ANGPT1: variants seen among roughly 807,000 people sequenced by gnomAD.
ANGPT1 encodes the protein angiopoietin-1.
A neutral mutation model predicts 62.2 loss-of-function variants in ANGPT1; 17 were observed. The ratio of observed to expected loss-of-function variants is 0.27; its 90% CI spans 0.19 to 0.41. The LOEUF is 0.41. Ranked by LOEUF, ANGPT1 falls within the 10% of genes least tolerant of loss-of-function variation. The pLI is 1.00. For missense variants in ANGPT1, 478 were observed against 594.9 expected, an observed-to-expected ratio of 0.80 and a Z score of 2.04; for synonymous variants, 199 against 198.9, an observed-to-expected ratio of 1.00 and a Z score of 0.00.
chr8:107,296,103 G>T (rs1275116600), intron 5 of ANGPT1, among the ~76,000 whole-genome samples: 1 of 152,030 alleles, frequency 6.6e-6, no homozygotes, highest in South Asian at 2.1e-4. Flanking sequence ...GGAATAATCT[G>T]CTTAAAAGCA....
intron 1 of ANGPT1, among the ~76,000 whole-genome samples, chr8:107,416,428 C>G (rs866054089): frequency 6.6e-6 from 1 of 152,186 alleles, no homozygotes; most frequent in African/African-American, 2.4e-5. Flanking sequence ...GGAAGGGTCC[C>G]AAGTGCAGGA....
At chr8:107,341,260 C>A (rs1815690171) in intron 2 of ANGPT1, among the ~76,000 whole-genome samples, 1 of 152,154 alleles carries the variant, frequency 6.6e-6, no homozygotes, top group South Asian at 2.1e-4. Context: ...TTAGACTCAA[C>A]TTCCAGTTTA....
intron 1 of ANGPT1, among the ~76,000 whole-genome samples, chr8:107,363,812 A>G (rs2130214854): frequency 6.6e-6 from 1 of 152,318 alleles, no homozygotes; most frequent in African/African-American, 2.4e-5. Flanking sequence ...CCTAATACTT[A>G]TTAACACTGT....
chr8:107,444,098 C>T (rs1045982413), intron 1 of ANGPT1, among the ~76,000 whole-genome samples: 1 of 152,150 alleles, frequency 6.6e-6, no homozygotes, highest in African/African-American at 2.4e-5. Flanking sequence ...GAGCATCTGG[C>T]TCAATTGTCC....
At chr8:107,422,459 A>G (rs1810917820) in intron 1 of ANGPT1, among the ~76,000 whole-genome samples, 1 of 152,180 alleles carries the variant, frequency 6.6e-6, no homozygotes, top group African/African-American at 2.4e-5. Flanking sequence ...ACCTTTTACA[A>G]AAGAATAAAT....
rs116764677 is a variant in ANGPT1, at chr8:107,298,665, G to A, written c.936+4575C>T. 4.0e-3 allele frequency among the ~76,000 whole-genome samples: 604 copies of A among 151,606 alleles called. 5 individuals carry two copies. The highest frequency in any genetic ancestry group is 0.013 in the African/African-American group (559 of 41,422). ...TTTTTGGCATGGAACAATGTCAATCGAAAAAATTACTGTACTACAATCCTG... is the reference window on the plus strand; with the variant it reads ...TTTTTGGCATGGAACAATGTCAATCAAAAAAATTACTGTACTACAATCCTG... On this transcript the variant is annotated intron_variant, in intron 5 of 8. Transcript: ENST00000517746.
At chr8:107,308,557 T>A (rs4341141) in intron 4 of ANGPT1, among the ~76,000 whole-genome samples, 31,822 of 151,998 alleles carry the variant, frequency 0.21, 3,992 homozygotes, top group East Asian at 0.35. Context: ...AATATACTCC[T>A]TCTGCCAGGT....
chr8:107,313,102 T>G (rs1173077508), intron 4 of ANGPT1, among the ~76,000 whole-genome samples: 1 of 151,962 alleles, frequency 6.6e-6, no homozygotes, highest in East Asian at 1.9e-4. Context: ...ATCCCACTTG[T>G]GAAAATGGAA....
chr8:107,370,526 A>G (rs1283986735), intron 1 of ANGPT1, among the ~76,000 whole-genome samples: 2 of 144,296 alleles, frequency 1.4e-5, no homozygotes, highest in Non-Finnish European at 3.0e-5. Context: ...AGCCTGCCCA[A>G]CATGGTCTCT....
intron 1 of ANGPT1, among the ~76,000 whole-genome samples, chr8:107,489,056 C>T (rs550308907): frequency 3.6e-4 from 55 of 152,250 alleles, no homozygotes; most frequent in South Asian, 2.3e-3. Flanking sequence ...GTGGAGACTA[C>T]CAATAAAGCA....
intron 1 of ANGPT1, among the ~76,000 whole-genome samples, chr8:107,434,976 T>C (rs571344824): frequency 6.6e-6 from 1 of 152,326 alleles, no homozygotes; most frequent in East Asian, 1.9e-4. Flanking sequence ...GTTTGCCCTT[T>C]AGTGATTCTC....
intron 1 of ANGPT1, among the ~76,000 whole-genome samples, chr8:107,418,881 A>G (rs954511586): frequency 2.6e-5 from 4 of 152,302 alleles, no homozygotes; most frequent in Non-Finnish European, 5.9e-5. Context: ...TGTCTAGGAT[A>G]AGTACTCTCT....
At chr8:107,406,693 C>T (rs1452668189) in intron 1 of ANGPT1, among the ~76,000 whole-genome samples, 1 of 151,894 alleles carries the variant, frequency 6.6e-6, no homozygotes, top group African/African-American at 2.4e-5. Flanking sequence ...CTTTTCTGTG[C>T]TCCCTTTTTG....
At chr8:107,390,429 G>T (rs1284349407) in intron 1 of ANGPT1, among the ~76,000 whole-genome samples, 1 of 152,172 alleles carries the variant, frequency 6.6e-6, no homozygotes, top group Non-Finnish European at 1.5e-5. Flanking sequence ...TCTGAAGCTT[G>T]TCTTGTGCTG....
chr8:107,495,955 T>G (rs1381634826), intron 1 of ANGPT1, among the ~76,000 whole-genome samples: 2 of 152,182 alleles, frequency 1.3e-5, no homozygotes, highest in African/African-American at 2.4e-5. Context: ...AAGTTCCAGT[T>G]AATGTGTCAA....
intron 1 of ANGPT1, among the ~76,000 whole-genome samples, chr8:107,463,202 C>A (rs747388829): frequency 6.6e-6 from 1 of 152,122 alleles, no homozygotes; most frequent in African/African-American, 2.4e-5. Context: ...CATATGGCAA[C>A]AAACTGTGGT....
At chr8:107,468,666 T>G (rs1812269871) in intron 1 of ANGPT1, among the ~76,000 whole-genome samples, 1 of 152,066 alleles carries the variant, frequency 6.6e-6, no homozygotes, top group African/African-American at 2.4e-5. Flanking sequence ...AAAGAAAATT[T>G]TATACAAAGT....
intron 1 of ANGPT1, among the ~76,000 whole-genome samples, chr8:107,435,967 A>T (rs1256186018): frequency 6.6e-6 from 1 of 152,174 alleles, no homozygotes; most frequent in African/African-American, 2.4e-5. Flanking sequence ...CAGTGGCCTA[A>T]TCACAGCTTA....
chr8:107,442,115 G>T (rs1393472695), intron 1 of ANGPT1, among the ~76,000 whole-genome samples: 1 of 152,056 alleles, frequency 6.6e-6, no homozygotes, highest in East Asian at 1.9e-4. Flanking sequence ...CCATCACCTC[G>T]TAGATCCAGA....
Sources: allele counts gnomAD v4.1 joint callset (sites outside exome capture counted in the v4.1 genomes callset), GRCh38; gene constraint gnomAD v4.1.1; transcripts MANE v1.5; gene names NCBI Gene and HGNC (gene_info 2026-07-23, HGNC 2026-07-21).